HIF1A: variants seen among roughly 807,000 people sequenced by gnomAD.
HIF1A encodes hypoxia inducible factor 1 subunit alpha, also known as hypoxia-inducible factor 1-alpha.
A neutral mutation model predicts 92.7 loss-of-function variants in HIF1A; 24 were observed. The ratio of observed to expected loss-of-function variants is 0.26; its 90% CI spans 0.19 to 0.36. The LOEUF (loss-of-function observed/expected upper bound fraction) is 0.36. Ranked by LOEUF, HIF1A falls within the 10% of genes least tolerant of loss-of-function variation. HIF1A has a pLI of 1.00. For missense variants in HIF1A, 799 were observed against 998.5 expected (o/e 0.80, Z 2.69); for synonymous variants, 319 against 338.7 (o/e 0.94, Z 0.64).
chr14:61,736,622 T>C (rs2044641242), intron 8 of HIF1A, among the ~76,000 whole-genome samples: 2 of 152,246 alleles, frequency 1.3e-5, no homozygotes, highest in Admixed American at 1.3e-4. Flanking sequence ...GATAATGGTC[T>C]CTGGATGCAT....
chr14:61,721,652 C>A lies in HIF1A; in HGVS notation c.370C>A (p.Gln124Lys). The change falls in exon 3 of 15, where the codon CAG (glutamine) becomes AAG (lysine). Residue 124 changes from glutamine (Q) to lysine (K), a missense_variant and splice_region_variant. Gln to Lys is a moderately conservative substitution (Grantham distance 53). Around this residue, in one of 2 missense-constraint regions of HIF1A, gnomAD observed 516 missense variants for 721.0 expected, o/e 0.72. Transcript: ENST00000337138. ...TGTGAACAAATACATGGGATTAACT[C>A]AGGTAAAATGCACACATATTAAGAG... is the stretch of plus-strand genomic sequence containing the variant. ...DNVNKYMGLT[Q>K]FELTGHSVFD... 1 of 1,612,568 alleles carries A rather than the reference C, an allele frequency of 6.2e-7. No individual in the cohort carries two copies. The highest frequency in any genetic ancestry group is 1.1e-5 in the South Asian group (1 of 91,054).
Position 61,721,827 on chromosome 14 carries a change from A to G in HIF1A, c.457+4A>G. 1 of 1,601,302 alleles carries G rather than the reference A, an allele frequency of 6.2e-7. No individual in the cohort carries two copies. Among genetic ancestry groups the G allele is most frequent in the Non-Finnish European group, 8.6e-7 (1 of 1,168,584 alleles). On this transcript the variant is annotated splice_donor_region_variant and intron_variant, in intron 4 of 14. Coordinates refer to ENST00000337138, the MANE Select transcript of HIF1A (RefSeq NM_001530.4). ...GAAATGCTTACACACAGAAATGGTA[A>G]GAAAAGTCTGTTGTTTGATTTAATG...
At chr14:61,724,108 T>C (rs988699674) in intron 4 of HIF1A, among the ~76,000 whole-genome samples, 1 of 151,714 alleles carries the variant, frequency 6.6e-6, no homozygotes, top group Non-Finnish European at 1.5e-5. Context: ...TAATGGTTTG[T>C]TTTTGTTTGT....
At chr14:61,703,487 G>A (rs970947873) in intron 1 of HIF1A, among the ~76,000 whole-genome samples, 1 of 152,022 alleles carries the variant, frequency 6.6e-6, no homozygotes, top group Admixed American at 6.5e-5. Context: ...CCTGACTTTT[G>A]TCTTGATATT....
intron 1 of HIF1A, among the ~76,000 whole-genome samples, chr14:61,719,227 A>T (rs938745295): frequency 6.6e-6 from 1 of 152,344 alleles, no homozygotes; most frequent in Non-Finnish European, 1.5e-5. Context: ...TCACTAAATC[A>T]TAATAGCTGT....
intron 4 of HIF1A, among the ~76,000 whole-genome samples, chr14:61,724,349 T>TTCTCTCCC (rs2044472677): frequency 1.0e-5 from 1 of 96,096 alleles, no homozygotes; most frequent in Non-Finnish European, 2.1e-5. Flanking sequence ...CACACACACA[T>TTCTCTCCC]TCTCTCTCTC....
At chr14:61,742,879 C>T in intron 12 of HIF1A, among the ~76,000 whole-genome samples, 1 of 31,640 alleles carries the variant, frequency 3.2e-5, no homozygotes, top group Non-Finnish European at 6.4e-5. Flanking sequence ...GAGTGAAACT[C>T]GGTTTCAAAA....
Position 61,703,930 on chromosome 14 carries a change from G to GTATTTC in HIF1A, c.35+8093_35+8098dup, listed in dbSNP as rs2044206519. On this transcript the variant is annotated intron_variant, in intron 1 of 14. Coordinates refer to ENST00000337138, the MANE Select transcript of HIF1A (RefSeq NM_001530.4). ...CTTGTCATGACTTTTGGGAAGTTGA[G>GTATTTC]TATTTCTTCTATGGGTTAGGGTTTT... Among the ~76,000 whole-genome samples, 9 of 152,236 alleles carry GTATTTC rather than the reference G, an allele frequency of 5.9e-5. No individual in the cohort carries two copies. In the South Asian group the frequency reaches 1.9e-3, roughly 32 times the overall value.
intron 7 of HIF1A, among the ~76,000 whole-genome samples, chr14:61,733,500 T>C (rs1021838731): frequency 3.9e-5 from 6 of 152,238 alleles, no homozygotes; most frequent in Non-Finnish European, 7.3e-5. Flanking sequence ...CTCACCTGTT[T>C]AATCTGTACC....
Position 61,726,781 on chromosome 14 carries a change from G to A in HIF1A, c.533G>A (p.Arg178Gln), listed in dbSNP as rs771815531. Reference protein sequence around the residue: ...FLRMKCTLTSRGRTMNIKSAT... With the variant: ...FLRMKCTLTSQGRTMNIKSAT... ...AGAATGAAGTGTACCCTAACTAGCC[G>A]AGGAAGAACTATGAACATAAAGTCT... The change falls in exon 5 of 15, where the codon CGA (arginine) becomes CAA (glutamine). Residue 178 changes from arginine to glutamine, a missense_variant. Coordinates refer to ENST00000337138, the MANE Select transcript of HIF1A (RefSeq NM_001530.4). 5.0e-6 allele frequency: 8 copies of A among 1,608,644 alleles called. No homozygotes were observed. The Admixed American group carries it at 5.1e-5, about 10-fold the overall frequency.
intron 14 of HIF1A, among the ~76,000 whole-genome samples, chr14:61,746,356 T>C (rs552196783): frequency 6.6e-6 from 1 of 151,292 alleles, no homozygotes; most frequent in South Asian, 2.1e-4. Flanking sequence ...GCTGTCAATA[T>C]TGATAGAAGC....
intron 9 of HIF1A, among the ~76,000 whole-genome samples, chr14:61,737,493 A>C (rs1208952642): frequency 6.6e-6 from 1 of 152,206 alleles, no homozygotes; most frequent in Non-Finnish European, 1.5e-5. Flanking sequence ...TTGAAGATGA[A>C]AACTGCAATT....
intron 12 of HIF1A, among the ~76,000 whole-genome samples, chr14:61,742,049 C>CTA: frequency 6.6e-6 from 1 of 152,042 alleles, no homozygotes; most frequent in Non-Finnish European, 1.5e-5. Context: ...AGAACATTAG[C>CTA]TATATATATA....
chr14:61,697,884 T>A, intron 1 of HIF1A: 1 of 1,519,846 alleles, frequency 6.6e-7, no homozygotes, highest in South Asian at 1.2e-5. Context: ...GGAAAACAAA[T>A]TTGTCTTTTT....
In HIF1A at chr14:61,736,875, T is replaced by C; in HGVS notation, c.1029-14T>C. On this transcript the variant is annotated splice_polypyrimidine_tract_variant and intron_variant, in intron 8 of 14. Transcript: ENST00000337138. ...TGCTCATTTGTGAATTACCAATTTC[T>C]CTTGTTTTGACAGTGGTATTATTCA... 1 of 1,577,152 alleles carries C rather than the reference T, an allele frequency of 6.3e-7. No individual in the cohort carries two copies. Among genetic ancestry groups the C allele is most frequent in the South Asian group, 1.1e-5 (1 of 90,286 alleles).
intron 1 of HIF1A, among the ~76,000 whole-genome samples, chr14:61,696,401 A>G (rs1594851913): frequency 2.0e-5 from 3 of 152,138 alleles, no homozygotes; most frequent in South Asian, 4.1e-4. Flanking sequence ...CTTGTCCTGT[A>G]GTTGTCCAGC....
intron 9 of HIF1A, 71 bp downstream of exon 9, chr14:61,737,180 C>T (rs774056398): frequency 5.8e-6 from 6 of 1,035,418 alleles, no homozygotes; most frequent in Non-Finnish European, 7.3e-6. Context: ...CTAAACATTA[C>T]TTTACGGTTT....
At chr14:61,726,101 T>A (rs1344024192) in intron 4 of HIF1A, among the ~76,000 whole-genome samples, 1 of 152,194 alleles carries the variant, frequency 6.6e-6, no homozygotes, top group Non-Finnish European at 1.5e-5. Flanking sequence ...ATTACAGGCA[T>A]GAGCCACCGT....
At chr14:61,738,752 G>GTT (rs2044670041) in intron 10 of HIF1A, among the ~76,000 whole-genome samples, 2 of 152,154 alleles carry the variant, frequency 1.3e-5, no homozygotes, top group Non-Finnish European at 2.9e-5. Context: ...GTTTTATTGT[G>GTT]TTTTGTTTTG....
Sources: gnomAD v4.1 joint callset for allele counts (sites outside exome capture counted in the v4.1 genomes callset) on GRCh38, gnomAD v4.1.1 for gene constraint, gnomAD v4.1.1 regional missense constraint, MANE v1.5 for transcripts, NCBI Gene and HGNC (gene_info 2026-07-23, HGNC 2026-07-21) for gene names.